Variants in DNAH12 observed in about 807,000 individuals in gnomAD.
DNAH12 encodes dynein axonemal heavy chain 12, also known as axonemal beta dynein heavy chain 12.
DNAH12 carries 285 observed loss-of-function variants against 371.5 expected under a neutral mutation model. The ratio of observed to expected loss-of-function variants is 0.77; its 90% confidence interval spans 0.70 to 0.85. DNAH12 has a LOEUF of 0.85. DNAH12 is among the 40% of genes least tolerant of loss of function. The pLI is 0.00. For missense variants in DNAH12, 3,611 were observed against 3,689.4 expected (o/e 0.98, Z 0.55); for synonymous variants, 1,200 against 1,213.0 (o/e 0.99, Z 0.22).
intron 51 of DNAH12, among the ~76,000 whole-genome samples, chr3:57,379,697 T>C (rs1284172748): frequency 6.6e-6 from 1 of 151,586 alleles, no homozygotes; most frequent in Admixed American, 6.6e-5. Context: ...AAAAATTAGC[T>C]GGGCATAGTG....
chr3:57,352,830 T>C (rs903889309), intron 59 of DNAH12, among the ~76,000 whole-genome samples: 9 of 152,132 alleles, frequency 5.9e-5, no homozygotes, highest in South Asian at 2.1e-4. Context: ...GTCTCCTGCT[T>C]GTAATCCCAG....
intron 60 of DNAH12, among the ~76,000 whole-genome samples, chr3:57,350,019 C>T (rs983629512): frequency 6.6e-6 from 1 of 152,126 alleles, no homozygotes; most frequent in Non-Finnish European, 1.5e-5. Context: ...TGAAGTAACT[C>T]GCTTCACTTA....
chr3:57,358,712 A>G (rs2062854002), intron 58 of DNAH12, among the ~76,000 whole-genome samples: 5 of 152,190 alleles, frequency 3.3e-5, no homozygotes, highest in African/African-American at 1.2e-4. Context: ...ACCTTTTGCT[A>G]TTTAAACTTT....
At chr3:57,426,828 GAAAAAAAA>G (rs559705189) in intron 34 of DNAH12, among the ~76,000 whole-genome samples, 1 of 92,962 alleles carries the variant, frequency 1.1e-5, no homozygotes, top group African/African-American at 3.7e-5. Context: ...GACTGTCTCA[GAAAAAAAA>G]AAAAAAAAAA....
At chr3:57,473,842 A>G (rs2066440546) in intron 13 of DNAH12, among the ~76,000 whole-genome samples, 1 of 152,114 alleles carries the variant, frequency 6.6e-6, no homozygotes, top group Non-Finnish European at 1.5e-5. Flanking sequence ...GTAATTCGTT[A>G]TATTAATAGA....
chr3:57,520,046 G>A, intron 4 of DNAH12: 1 of 636,134 alleles, frequency 1.6e-6, no homozygotes, highest in Non-Finnish European at 2.8e-6. Context: ...ACGTTGGGTT[G>A]GGGAAAGCCG....
chr3:57,389,231 G>GAA (rs36159319), intron 45 of DNAH12, among the ~76,000 whole-genome samples: 40,729 of 142,924 alleles, frequency 0.28, 5,860 homozygotes, highest in South Asian at 0.41. Flanking sequence ...AGGTCCACAG[G>GAA]AAAAAAAAAA....
intron 12 of DNAH12, among the ~76,000 whole-genome samples, chr3:57,485,945 C>T (rs1360518606): frequency 1.3e-5 from 2 of 151,700 alleles, no homozygotes; most frequent in Non-Finnish European, 2.9e-5. Context: ...AACTGCTAGG[C>T]GTGGTGGCTC....
At chr3:57,342,097 T>C (rs1358165251) in intron 60 of DNAH12, among the ~76,000 whole-genome samples, 1 of 152,104 alleles carries the variant, frequency 6.6e-6, no homozygotes, top group Non-Finnish European at 1.5e-5. Flanking sequence ...TCTCCTCTTA[T>C]TCTACACAAA....
At chr3:57,513,092 C>T (rs1000956629) in intron 4 of DNAH12, among the ~76,000 whole-genome samples, 5 of 150,984 alleles carry the variant, frequency 3.3e-5, no homozygotes, top group East Asian at 3.9e-4. Context: ...GAGCCGAGAT[C>T]GCACCACTGC....
rs1409626573 is a variant in DNAH12 at position 57,361,444 on chromosome 3, C to CACTATATATATATATATATATATA, written c.9360+2149_9360+2150insTATATATATATATATATATATAGT. 1.2e-3 allele frequency among the ~76,000 whole-genome samples: 143 copies of CACTATATATATATATATATATATA among 116,612 alleles called. 1 individual carries two copies. Among genetic ancestry groups the CACTATATATATATATATATATATA allele is most frequent in the African/African-American group, 5.5e-3 (129 of 23,658 alleles). 76.5% of individuals were successfully genotyped at this position (116,612 alleles called of 152,430 possible). A position where few individuals can be genotyped will look rare whatever the true frequency, so the allele number is the denominator to read the frequency against. ...CACTATATATATATACACACACACA[C>CACTATATATATATATATATATATA]TATATATATATATATATATATATAT... On this transcript the variant is annotated intron_variant, in intron 58 of 73. Coordinates refer to ENST00000495027, the MANE Select transcript of DNAH12 (RefSeq NM_001366028.2).
intron 29 of DNAH12, among the ~76,000 whole-genome samples, chr3:57,439,602 A>T (rs2065242959): frequency 6.6e-6 from 1 of 152,184 alleles, no homozygotes; most frequent in Non-Finnish European, 1.5e-5. Flanking sequence ...AAAACCTAGG[A>T]ATCACCATTC....
At chr3:57,300,046 C>T (rs2061314305) in intron 70 of DNAH12, among the ~76,000 whole-genome samples, 1 of 152,168 alleles carries the variant, frequency 6.6e-6, no homozygotes, top group African/African-American at 2.4e-5. Flanking sequence ...GCCCGAGCAG[C>T]ACCACCTTGT....
At chr3:57,410,391 A>C (rs576463828) in intron 39 of DNAH12, among the ~76,000 whole-genome samples, 1 of 152,170 alleles carries the variant, frequency 6.6e-6, no homozygotes, top group Non-Finnish European at 1.5e-5. Flanking sequence ...ATTGACCTAC[A>C]TAAGAAGAAA....
At chr3:57,372,146 A>G (rs1323357445) in intron 55 of DNAH12, among the ~76,000 whole-genome samples, 1 of 152,074 alleles carries the variant, frequency 6.6e-6, no homozygotes, top group Non-Finnish European at 1.5e-5. Flanking sequence ...TATTCCTGAC[A>G]TAAATAAAAT....
At chr3:57,444,649 C>G in intron 29 of DNAH12, 48 bp downstream of exon 29, 1 of 1,538,388 alleles carries the variant, frequency 6.5e-7, no homozygotes, top group Non-Finnish European at 8.8e-7. Context: ...ATTGAGTCAT[C>G]GGATGAATTT....
intron 11 of DNAH12, chr3:57,498,384 A>G: frequency 1.5e-6 from 1 of 666,408 alleles, no homozygotes; most frequent in Non-Finnish European, 2.7e-6. Context: ...TGGCATGATC[A>G]TAACTCACTG....
intron 29 of DNAH12, among the ~76,000 whole-genome samples, chr3:57,439,345 A>G (rs1208555617): frequency 1.3e-5 from 2 of 152,236 alleles, no homozygotes; most frequent in Non-Finnish European, 2.9e-5. Flanking sequence ...TACTGGTACA[A>G]AAATAGTGAC....
At chr3:57,328,356 T>C (rs1240982763) in intron 62 of DNAH12, among the ~76,000 whole-genome samples, 5 of 146,982 alleles carry the variant, frequency 3.4e-5, no homozygotes, top group Non-Finnish European at 7.5e-5. Flanking sequence ...AAAAAGCTTA[T>C]CCACCATGAT....
Sources: allele counts gnomAD v4.1 joint callset (sites outside exome capture counted in the v4.1 genomes callset), GRCh38; gene constraint gnomAD v4.1.1; transcripts MANE v1.5; gene names NCBI Gene and HGNC (gene_info 2026-07-23, HGNC 2026-07-21).